The following LTBP2 variants were observed in gnomAD, a reference collection of about 807,000 sequenced individuals.
The protein encoded by LTBP2 is latent-transforming growth factor beta-binding protein 2.
In LTBP2, 103 loss-of-function variants were observed where a neutral mutation model predicts 210.6. That is an observed-to-expected ratio of 0.49 (90% CI 0.42 to 0.58). The LOEUF (loss-of-function observed/expected upper bound fraction) is 0.58, where lower values mean the gene tolerates loss of function less well. Ranked by LOEUF, LTBP2 falls within the 20% of genes least tolerant of loss-of-function variation. LTBP2 has a pLI of 0.00. For synonymous variants in LTBP2, 1,007 were observed against 1,015.0 expected (o/e 0.99, Z 0.15); for missense variants, 2,313 against 2,494.5 (o/e 0.93, Z 1.55).
intron 12 of LTBP2, among the ~76,000 whole-genome samples, chr14:74,527,933 G>A (rs999895874): frequency 1.1e-4 from 16 of 152,210 alleles, no homozygotes; most frequent in Admixed American, 4.6e-4. Flanking sequence ...GCGCTATGAC[G>A]TTCCAGGCCT....
chr14:74,562,772 T>C (rs1595277620), intron 3 of LTBP2, among the ~76,000 whole-genome samples: 2 of 152,224 alleles, frequency 1.3e-5, no homozygotes, highest in African/African-American at 4.8e-5. Context: ...CATACTCATT[T>C]GTGAGACTAT....
Position 74,507,985 on chromosome 14 carries a change from C to T in LTBP2, c.3763G>A (p.Gly1255Arg). 6.2e-7 allele frequency: 1 copy of T among 1,613,540 alleles called. No homozygotes were observed. Among genetic ancestry groups the T allele is most frequent in the Non-Finnish European group, 8.5e-7 (1 of 1,180,014 alleles). ...ETGFQPSPES[G>R]ECVDIDECED... Reference sequence around the variant, plus strand: ...CCAGAGCCCTTACCCACACACTCTCCACTCTCTGGGGAGGGCTGGAAGCCA... The same window carrying T: ...CCAGAGCCCTTACCCACACACTCTCTACTCTCTGGGGAGGGCTGGAAGCCA... Residue 1255 changes from glycine (G) to arginine (R), a missense_variant, in exon 25 of 36, where the codon GGA (glycine) becomes AGA (arginine). Coordinates refer to ENST00000261978, the MANE Select transcript of LTBP2 (RefSeq NM_000428.3).
chr14:74,558,484 C>G lies in LTBP2; in HGVS notation c.831-2791G>C, dbSNP rs1338010165. 2.0e-5 allele frequency among the ~76,000 whole-genome samples: 3 copies of G among 152,230 alleles called. No homozygotes were observed. The East Asian group carries it at 5.8e-4, about 29-fold the overall frequency. ...GAGAGGTGGCTGAACTGCTGGCTCA[C>G]TGGGAGCCTCGTCCTGGGTACCAGG... On this transcript the variant is annotated intron_variant, in intron 3 of 35. Coordinates refer to ENST00000261978, the MANE Select transcript of LTBP2 (RefSeq NM_000428.3).
At position 74,549,734 on chromosome 14, in the gene LTBP2, A is replaced by G; in HGVS notation, c.1789+129T>C. 5.0e-6 allele frequency: 4 copies of G among 806,410 alleles called. No homozygotes were observed. The Admixed American group carries it at 6.9e-5, about 14-fold the overall frequency. 50.0% of individuals were successfully genotyped at this position (806,410 alleles called of 1,614,324 possible). A position where few individuals can be genotyped will look rare whatever the true frequency, so the allele number is the denominator to read the frequency against. ...GAAACACCTTCAAGGCAGGTCTGGG[A>G]AGTCTGCAGTTTACCAGCCTGTTCT... is the stretch of plus-strand genomic sequence containing the variant. On this transcript the variant is annotated intron_variant, in intron 8 of 35. Transcript: ENST00000261978.
chr14:74,526,538 A>T (rs571190400), intron 13 of LTBP2, among the ~76,000 whole-genome samples: 4 of 152,310 alleles, frequency 2.6e-5, no homozygotes, highest in African/African-American at 4.8e-5. Context: ...GTCCCTCAAC[A>T]TAGCCAGTGG....
intron 34 of LTBP2, among the ~76,000 whole-genome samples, chr14:74,502,340 C>T (rs981380708): frequency 3.9e-5 from 6 of 152,104 alleles, no homozygotes; most frequent in Non-Finnish European, 8.8e-5. Flanking sequence ...CTGTAGGTGG[C>T]GTGGAGGGAG....
chr14:74,532,577 C>A (rs749833989), intron 9 of LTBP2, 29 bp from the exon 10 acceptor site: 1 of 1,612,792 alleles, frequency 6.2e-7, no homozygotes, highest in Non-Finnish European at 8.5e-7. Context: ...TGACCAAGTG[C>A]CCGCCCCACG....
At chr14:74,594,813 C>T (rs2088335339) in intron 2 of LTBP2, among the ~76,000 whole-genome samples, 1 of 152,164 alleles carries the variant, frequency 6.6e-6, no homozygotes, top group Admixed American at 6.5e-5. Context: ...ACTCGGAATC[C>T]ACCCTCGGAA....
intron 8 of LTBP2, among the ~76,000 whole-genome samples, chr14:74,547,807 G>A (rs146268446): frequency 6.6e-6 from 1 of 152,234 alleles, no homozygotes; most frequent in Non-Finnish European, 1.5e-5. Context: ...CCACCCACTT[G>A]TCTGAATGAG....
intron 3 of LTBP2, among the ~76,000 whole-genome samples, chr14:74,565,174 T>C (rs922859101): frequency 6.6e-6 from 1 of 152,136 alleles, no homozygotes; most frequent in African/African-American, 2.4e-5. Context: ...ACCCCAGGGA[T>C]GGCAAAAACT....
chr14:74,517,643 G>T lies in LTBP2; in HGVS notation c.2789-702C>A, dbSNP rs1009747972. ...ACTCCTCAGCCTCCCAAAGTGCTGG[G>T]ATTATAAGCATGAACCACTGCACCT... is the stretch of plus-strand genomic sequence containing the variant. On this transcript the variant is annotated intron_variant, in intron 17 of 35. Coordinates refer to ENST00000261978, the MANE Select transcript of LTBP2 (RefSeq NM_000428.3). 2.6e-4 allele frequency among the ~76,000 whole-genome samples: 39 copies of T among 151,944 alleles called. 1 individual carries two copies. The highest frequency in any genetic ancestry group is 7.4e-5 in the Non-Finnish European group (5 of 67,986).
chr14:74,517,041 A>G (rs2087145898), intron 17 of LTBP2, 100 bp from the exon 18 acceptor site: 1 of 1,471,356 alleles, frequency 6.8e-7, no homozygotes. Flanking sequence ...AGGACAAAGG[A>G]TGCCATGCTG....
chr14:74,505,328 C>G (rs1226705750), intron 28 of LTBP2, among the ~76,000 whole-genome samples, 154 bp from the exon 29 acceptor site: 3 of 152,186 alleles, frequency 2.0e-5, no homozygotes, highest in African/African-American at 7.2e-5. Flanking sequence ...TCTCCACAAC[C>G]CTAAGAAGTG....
intron 18 of LTBP2, among the ~76,000 whole-genome samples, chr14:74,516,231 G>A (rs2087132953): frequency 6.6e-6 from 1 of 152,244 alleles, no homozygotes; most frequent in Non-Finnish European, 1.5e-5. Context: ...CGTGGTGGCA[G>A]CAAAGCTGCC....
rs1438877013 is a variant in LTBP2 at position 74,586,499 on chromosome 14, A to T, written c.566-381T>A. On this transcript the variant is annotated intron_variant, in intron 2 of 35. Coordinates refer to ENST00000261978, the MANE Select transcript of LTBP2 (RefSeq NM_000428.3). The surrounding 1 kb of genome is among the most constrained non-coding windows in gnomAD (Gnocchi z 4.6). ...AGCGGCCCCGGAACTTTGACTAGGG[A>T]TTGCCACAGAGTAGATTCTCAGTAA... Among the ~76,000 whole-genome samples the T allele has an allele frequency of 6.6e-6, 1 of 152,186 alleles. No individual in the cohort carries two copies. The highest frequency in any genetic ancestry group is 2.4e-5 in the African/African-American group (1 of 41,436).
chr14:74,557,072 G>A (rs1314424269), intron 3 of LTBP2, among the ~76,000 whole-genome samples: 1 of 152,116 alleles, frequency 6.6e-6, no homozygotes, highest in African/African-American at 2.4e-5. Flanking sequence ...GATCACCCTG[G>A]TCAACATGGT....
chr14:74,543,430 T>C (rs990053040), intron 8 of LTBP2, among the ~76,000 whole-genome samples: 1 of 148,198 alleles, frequency 6.7e-6, no homozygotes, highest in Non-Finnish European at 1.5e-5. Flanking sequence ...TGTGGAGTCA[T>C]TGTGAGGATT....
At position 74,529,025 on chromosome 14, in the gene LTBP2, T is replaced by C. The variant is rs754239603; in HGVS notation, c.2085A>G (p.Ile695Met). The change falls in exon 11 of 36, where the codon ATA becomes ATG. Residue 695 changes from isoleucine to methionine, a missense_variant. Ile to Met is a conservative substitution (Grantham distance 10, BLOSUM62 1). This residue lies in a region of LTBP2 where 1,867 missense variants were observed against 1,976.9 expected (regional missense o/e 0.94). Coordinates refer to ENST00000261978, the MANE Select transcript of LTBP2 (RefSeq NM_000428.3). ...CTTTGCCCACGCGGCTGCAGCAGCATATCTGCTTGGTGATCCGCTGGGCCA... is the reference window on the plus strand; with the variant it reads ...CTTTGCCCACGCGGCTGCAGCAGCACATCTGCTTGGTGATCCGCTGGGCCA... ...LPLAQRITKQ[I>M]CCCSRVGKAW... 1 of 1,597,332 alleles carries C rather than the reference T, an allele frequency of 6.3e-7. No individual in the cohort carries two copies. The highest frequency in any genetic ancestry group is 1.1e-5 in the South Asian group (1 of 88,302).
intron 14 of LTBP2, among the ~76,000 whole-genome samples, chr14:74,525,713 C>G (rs559299674): frequency 6.6e-6 from 1 of 152,326 alleles, no homozygotes; most frequent in South Asian, 2.1e-4. Flanking sequence ...CAGTGACAGG[C>G]AAGTAGTGGT....
Sources: gnomAD v4.1 joint callset for allele counts (sites outside exome capture counted in the v4.1 genomes callset) on GRCh38, gnomAD v4.1.1 for gene constraint, gnomAD v4.1.1 regional missense constraint, Gnocchi (gnomAD v3.1) non-coding constraint, MANE v1.5 for transcripts, NCBI Gene and HGNC (gene_info 2026-07-23, HGNC 2026-07-21) for gene names.